Variants in KLHL15 observed in about 807,000 individuals in gnomAD.
KLHL15 encodes kelch like family member 15, also known as kelch-like protein 15.
Under a neutral mutation model 29.3 loss-of-function variants are expected in KLHL15, and 1 was observed. That is an observed-to-expected ratio of 0.03 (90% CI 0.01 to 0.16). The LOEUF (loss-of-function observed/expected upper bound fraction) is 0.16. Among genes scored for constraint, KLHL15 ranks in the 10% least tolerant of loss-of-function variants. The pLI is 1.00. For synonymous variants in KLHL15, 212 were observed against 184.5 expected, an observed-to-expected ratio of 1.15 and a Z score of -1.21; for missense variants, 215 against 478.5, an observed-to-expected ratio of 0.45 and a Z score of 5.14.
In KLHL15 at chrX:23,987,339, T is replaced by A; in HGVS notation, c.*582A>T. On this transcript the variant is annotated 3_prime_UTR_variant, in exon 4 of 4. Transcript: ENST00000328046. ...TGTATTTATAGGTTGTATGCGAGTA[T>A]GAATATGCTTTCACTAACACAATGC... 8.9e-6 allele frequency: 1 copy of A among 112,618 alleles called. No homozygotes were observed. Among genetic ancestry groups the A allele is most frequent in the Non-Finnish European group, 1.9e-5 (1 of 53,353 alleles). 9.3% of individuals were successfully genotyped at this position (112,618 alleles called of 1,213,427 possible).
chrX:23,991,685 C>CA (rs769969558), intron 3 of KLHL15, among the ~76,000 whole-genome samples: 11 of 110,596 alleles, frequency 9.9e-5, no homozygotes, highest in African/African-American at 3.6e-4. Context: ...ACTAAAAATA[C>CA]AAAAATTAGC....
At chrX:24,006,734 C>G in intron 2 of KLHL15, 34 bp from the exon 3 acceptor site, 1 of 1,002,685 alleles carries the variant, frequency 1.0e-6, no homozygotes, top group Non-Finnish European at 1.4e-6. Flanking sequence ...ATGTTAAACA[C>G]TTCCATGCAT....
intron 2 of KLHL15, among the ~76,000 whole-genome samples, chrX:24,007,138 G>A (rs1258484148): frequency 9.0e-6 from 1 of 110,727 alleles, no homozygotes; most frequent in Non-Finnish European, 1.9e-5. Context: ...AGGCTACAGT[G>A]AGCTATGATA....
chrX:24,009,859 T>G (rs1929538392), intron 2 of KLHL15, among the ~76,000 whole-genome samples: 1 of 102,776 alleles, frequency 9.7e-6, no homozygotes. Context: ...GTGTGGTGGC[T>G]GGCACATGTA....
chrX:24,002,970 C>T (rs990587952), intron 3 of KLHL15, among the ~76,000 whole-genome samples: 4 of 112,785 alleles, frequency 3.5e-5, no homozygotes, highest in Non-Finnish European at 7.5e-5. Context: ...AGAATTTTTA[C>T]AACTCTGTAA....
At position 23,987,889 on chromosome X, in the gene KLHL15, GTTTGCCTC is replaced by G; in HGVS notation, c.*24_*31del. 1.7e-6 allele frequency: 2 copies of G among 1,151,840 alleles called. No homozygotes were observed. Among genetic ancestry groups the G allele is most frequent in the Non-Finnish European group, 2.3e-6 (2 of 860,915 alleles). 94.9% of individuals were successfully genotyped at this position (1,151,840 alleles called of 1,213,427 possible). On this transcript the variant is annotated 3_prime_UTR_variant, in exon 4 of 4. Transcript: ENST00000328046. ...ATTACTCTGTGCAAACAAATACTTT[GTTTGCCTC>G]TTTTTTTAGGGAGGAGGATGTCATT...
chrX:24,013,412 G>A (rs751713870), intron 2 of KLHL15, among the ~76,000 whole-genome samples: 7 of 110,458 alleles, frequency 6.3e-5, no homozygotes, highest in African/African-American at 2.3e-4. Context: ...AGAGATACAC[G>A]CCACCAGACT....
chrX:24,015,160 A>C (rs933068728), intron 2 of KLHL15, among the ~76,000 whole-genome samples: 2 of 111,938 alleles, frequency 1.8e-5, no homozygotes, highest in Admixed American at 9.5e-5. Context: ...CTAACTAATA[A>C]TTTTAGAACA....
chrX:24,023,730 G>C (rs745887058), intron 2 of KLHL15, among the ~76,000 whole-genome samples: 1 of 112,092 alleles, frequency 8.9e-6, no homozygotes, highest in East Asian at 2.8e-4. Flanking sequence ...CTCTACCACT[G>C]ATAAACTGTG....
chrX:24,018,610 A>G (rs1394182159), intron 2 of KLHL15, among the ~76,000 whole-genome samples: 1 of 111,804 alleles, frequency 8.9e-6, no homozygotes, highest in Non-Finnish European at 1.9e-5. Flanking sequence ...TTCTCAAAGC[A>G]TGATCTGGGG....
chrX:23,988,507 T>C lies in KLHL15; in HGVS notation c.1229A>G (p.Asp410Gly). 8.3e-7 allele frequency: 1 copy of C among 1,211,504 alleles called. No individual in the cohort carries two copies. The highest frequency in any genetic ancestry group is 2.2e-5 in the Admixed American group (1 of 45,965). The change falls in exon 4 of 4, where the codon GAT (aspartate) becomes GGT (glycine). Residue 410 changes from aspartate (D) to glycine (G), a missense_variant. Coordinates refer to ENST00000328046, the MANE Select transcript of KLHL15 (RefSeq NM_030624.3). ...DITNDKWEFVDPYPVNKYGHE... is the reference protein window; with the variant it reads ...DITNDKWEFVGPYPVNKYGHE... ...TCCATATTTGTTAACTGGATAAGGA[T>C]CCACAAATTCCCATTTATCGTTGGT...
chrX:23,987,049 G>C lies in KLHL15; in HGVS notation c.*872C>G, dbSNP rs1389346294. 8.9e-6 allele frequency: 1 copy of C among 112,329 alleles called. No individual in the cohort carries two copies. The highest frequency in any genetic ancestry group is 3.2e-5 in the African/African-American group (1 of 30,951). 9.3% of individuals were successfully genotyped at this position (112,329 alleles called of 1,213,427 possible). A position where few individuals can be genotyped will look rare whatever the true frequency, so the allele number is the denominator to read the frequency against. On this transcript the variant is annotated 3_prime_UTR_variant, in exon 4 of 4. Transcript: ENST00000328046. ...ACAAAGAACACTAACATTTACTTTT[G>C]AAAATAAAATATAAAGTGTTAGTTT...
chrX:23,989,661 G>C (rs1410223946), intron 3 of KLHL15, among the ~76,000 whole-genome samples: 1 of 111,433 alleles, frequency 9.0e-6, no homozygotes, highest in Non-Finnish European at 1.9e-5. Context: ...TCATAAAGCT[G>C]TGACTGAATC....
At chrX:23,998,477 T>C (rs1164558086) in intron 3 of KLHL15, among the ~76,000 whole-genome samples, 1 of 111,315 alleles carries the variant, frequency 9.0e-6, no homozygotes, top group African/African-American at 3.3e-5. Flanking sequence ...CAGGATGGTC[T>C]CGATCTCCTG....
intron 2 of KLHL15, among the ~76,000 whole-genome samples, chrX:24,011,662 G>C (rs1293737233): frequency 9.1e-6 from 1 of 110,065 alleles, no homozygotes; most frequent in Non-Finnish European, 1.9e-5. Flanking sequence ...AATCAGCTGG[G>C]CATGGTGGCT....
At chrX:24,007,398 C>G (rs1929467347) in intron 2 of KLHL15, among the ~76,000 whole-genome samples, 1 of 102,833 alleles carries the variant, frequency 9.7e-6, no homozygotes, top group African/African-American at 3.5e-5. Flanking sequence ...GAGGCCAAGA[C>G]AGGAGAATCG....
rs34748452 is a variant in KLHL15 at position 23,995,476 on chromosome X, A to ATTT, written c.706-6449_706-6447dup. ...TCTAGACTGTAGCCAGTTAGAGTAC[A>ATTT]TTTTTTTTTAATTCCAGATTTTTTA... On this transcript the variant is annotated intron_variant, in intron 3 of 3. Transcript: ENST00000328046. 0.044 allele frequency among the ~76,000 whole-genome samples: 4,509 copies of ATTT among 102,992 alleles called. 369 individuals are homozygous for ATTT. In the East Asian group the frequency reaches 0.48, roughly 11 times the overall value. The allele number at this position is 102,992 out of a possible 115,157, so 89.4% of individuals were successfully genotyped here.
rs767441880 is a variant in KLHL15 at position 24,001,696 on chromosome X, C to T, written c.705+4293G>A. On this transcript the variant is annotated intron_variant, in intron 3 of 3. Coordinates refer to ENST00000328046, the MANE Select transcript of KLHL15 (RefSeq NM_030624.3). ...GCACACACCTGTAATTCCAGCTACT[C>T]GGGAGGCTGAGGCAGGAGAATCGCT... 1.3e-3 allele frequency among the ~76,000 whole-genome samples: 129 copies of T among 100,035 alleles called. 2 individuals are homozygous for T. The Middle Eastern group carries it at 0.016, about 13-fold the overall frequency. The allele number at this position is 100,035 out of a possible 115,157, so 86.9% of individuals were successfully genotyped here. A position where few individuals can be genotyped will look rare whatever the true frequency, so the allele number is the denominator to read the frequency against.
At chrX:23,999,870 A>C (rs999439585) in intron 3 of KLHL15, among the ~76,000 whole-genome samples, 1 of 112,280 alleles carries the variant, frequency 8.9e-6, no homozygotes, top group African/African-American at 3.2e-5. Flanking sequence ...TTTCGAAAGA[A>C]CTGCACATGC....
Sources: gnomAD v4.1 joint callset for allele counts (sites outside exome capture counted in the v4.1 genomes callset) on GRCh38, gnomAD v4.1.1 for gene constraint, MANE v1.5 for transcripts, NCBI Gene and HGNC (gene_info 2026-07-23, HGNC 2026-07-21) for gene names.